Variants in CNGB3 observed in about 807,000 individuals in gnomAD.
CNGB3 encodes the protein cyclic nucleotide-gated channel beta-3.
A neutral mutation model predicts 92.8 loss-of-function variants in CNGB3; 86 were observed. The observed-to-expected ratio is 0.93, with a 90% CI of 0.78 to 1.11. The LOEUF is 1.11. CNGB3 is among the 50% of genes least tolerant of loss of function. CNGB3 has a pLI of 0.00. For synonymous variants in CNGB3, 333 were observed against 332.7 expected (o/e 1.00, Z -0.01); for missense variants, 1,026 against 956.8 (o/e 1.07, Z -0.95).
intron 3 of CNGB3, among the ~76,000 whole-genome samples, chr8:86,701,654 G>A (rs919876555): frequency 6.6e-6 from 1 of 152,042 alleles, no homozygotes; most frequent in Non-Finnish European, 1.5e-5. Context: ...GTGAAAGCCC[G>A]AACAGTGCAA....
intron 15 of CNGB3, among the ~76,000 whole-genome samples, chr8:86,581,886 A>G (rs908359481): frequency 1.3e-5 from 2 of 152,176 alleles, no homozygotes; most frequent in African/African-American, 4.8e-5. Context: ...TGGCACCAAC[A>G]GCTATACCAA....
intron 10 of CNGB3, among the ~76,000 whole-genome samples, chr8:86,638,235 ATACC>A (rs1027350932): frequency 1.3e-5 from 2 of 152,150 alleles, no homozygotes; most frequent in African/African-American, 4.8e-5. Context: ...TTTGGGTAAA[ATACC>A]TACATTGGAA....
chr8:86,587,941 T>C (rs1344411049), intron 15 of CNGB3, among the ~76,000 whole-genome samples: 1 of 151,940 alleles, frequency 6.6e-6, no homozygotes, highest in Admixed American at 6.6e-5. Flanking sequence ...TATGGCCATT[T>C]TCACGATATT....
intron 1 of CNGB3, among the ~76,000 whole-genome samples, chr8:86,741,433 G>T (rs1825338965): frequency 1.3e-5 from 2 of 152,150 alleles, no homozygotes; most frequent in Non-Finnish European, 2.9e-5. Flanking sequence ...CAAGGACAAG[G>T]TGGGCGGAAC....
At chr8:86,583,533 G>A (rs1293487252) in intron 15 of CNGB3, among the ~76,000 whole-genome samples, 1 of 152,082 alleles carries the variant, frequency 6.6e-6, no homozygotes, top group Non-Finnish European at 1.5e-5. Context: ...AAAAGTGGGA[G>A]GAAACTGGTG....
intron 3 of CNGB3, among the ~76,000 whole-genome samples, chr8:86,713,386 A>AAGT (rs1256585997): frequency 6.6e-6 from 1 of 152,190 alleles, no homozygotes. Flanking sequence ...ATAGAACTCA[A>AAGT]GCATTTGCAC....
chr8:86,738,043 A>G (rs1389846262), intron 2 of CNGB3, among the ~76,000 whole-genome samples: 1 of 152,238 alleles, frequency 6.6e-6, no homozygotes, highest in East Asian at 1.9e-4. Context: ...CTCAGTTCAA[A>G]TATTTGTTTT....
Position 86,575,004 on chromosome 8 carries a change from G to T in CNGB3, c.*800C>A, listed in dbSNP as rs1028298142. On this transcript the variant is annotated 3_prime_UTR_variant, in exon 18 of 18. Coordinates refer to ENST00000320005, the MANE Select transcript of CNGB3 (RefSeq NM_019098.5). ...CCAGCAAGTGCTTGAGGAAGATTCT[G>T]ATAAGTGTCACTTTAGCCTGTATCC... 2 of 152,182 alleles carry T rather than the reference G, an allele frequency of 1.3e-5. No homozygotes were observed. Among genetic ancestry groups the T allele is most frequent in the African/African-American group, 2.4e-5 (1 of 41,444 alleles). 9.4% of individuals were successfully genotyped at this position (152,182 alleles called of 1,614,324 possible).
chr8:86,616,239 A>C (rs1387829219), intron 13 of CNGB3, among the ~76,000 whole-genome samples: 2 of 152,156 alleles, frequency 1.3e-5, no homozygotes, highest in African/African-American at 4.8e-5. Flanking sequence ...ATGCAAACTG[A>C]ATTTAGCAGC....
chr8:86,597,887 A>G (rs1822205910), intron 15 of CNGB3, among the ~76,000 whole-genome samples: 1 of 152,194 alleles, frequency 6.6e-6, no homozygotes, highest in Non-Finnish European at 1.5e-5. Context: ...CTGAGGTTGG[A>G]GAATCACTTG....
At chr8:86,717,561 CAAA>C (rs35692774) in intron 3 of CNGB3, among the ~76,000 whole-genome samples, 33,126 of 119,580 alleles carry the variant, frequency 0.28, 3,854 homozygotes, top group East Asian at 0.39. Context: ...GACTCTGTCT[CAAA>C]AAAAAAAAAA....
Position 86,578,685 on chromosome 8 carries a change from T to C in CNGB3, c.2103+4A>G, listed in dbSNP as rs762261801. 5 of 1,613,770 alleles carry C rather than the reference T, an allele frequency of 3.1e-6. No homozygotes were observed. The East Asian group carries it at 6.7e-5, about 22-fold the overall frequency. On this transcript the variant is annotated splice_donor_region_variant and intron_variant, in intron 17 of 17. Coordinates refer to ENST00000320005, the MANE Select transcript of CNGB3 (RefSeq NM_019098.5). ...ACAGCCGTCCATTCACTCCACCTTA[T>C]TACCTGAGCTGCTTGCTCTCGCTTC...
In CNGB3 at chr8:86,659,116, A is replaced by C. The variant is rs1585998494; in HGVS notation, c.853-5054T>G. 1.7e-5 allele frequency: 12 copies of C among 724,588 alleles called. No individual in the cohort carries two copies. In the East Asian group the frequency reaches 3.0e-4, roughly 18 times the overall value. 44.9% of individuals were successfully genotyped at this position (724,588 alleles called of 1,614,324 possible). On this transcript the variant is annotated intron_variant, in intron 6 of 17. Transcript: ENST00000320005. ...GCGATCTGTTCCCTCAGTTTGGCCA[A>C]GCTGGTCTCCAGCTCCTGTACCCGA...
intron 6 of CNGB3, chr8:86,660,793 C>T (rs535169042): frequency 7.9e-6 from 4 of 504,512 alleles, no homozygotes; most frequent in Non-Finnish European, 1.2e-5. Flanking sequence ...GAAAATTGTC[C>T]TGCTACCCTC....
intron 3 of CNGB3, among the ~76,000 whole-genome samples, chr8:86,687,515 A>G (rs1050925590): frequency 6.6e-6 from 1 of 152,062 alleles, no homozygotes; most frequent in South Asian, 2.1e-4. Flanking sequence ...CAAATGTTGA[A>G]TACCAGGAAC....
intron 2 of CNGB3, among the ~76,000 whole-genome samples, chr8:86,728,815 T>C (rs1175724655): frequency 1.3e-5 from 2 of 152,112 alleles, no homozygotes; most frequent in South Asian, 2.1e-4. Flanking sequence ...TTAGGACTGA[T>C]AAAGAATATG....
At chr8:86,691,650 T>C (rs1824318957) in intron 3 of CNGB3, among the ~76,000 whole-genome samples, 1 of 152,164 alleles carries the variant, frequency 6.6e-6, no homozygotes, top group Non-Finnish European at 1.5e-5. Context: ...TAATGCTGTA[T>C]TTATTTTGTT....
chr8:86,651,078 C>T (rs566331923), intron 7 of CNGB3, among the ~76,000 whole-genome samples: 1 of 151,620 alleles, frequency 6.6e-6, no homozygotes, highest in South Asian at 2.1e-4. Context: ...AAACACTATA[C>T]GTTCTCACTT....
chr8:86,740,206 G>A (rs567300478), intron 1 of CNGB3, among the ~76,000 whole-genome samples: 93 of 152,312 alleles, frequency 6.1e-4, no homozygotes, highest in African/African-American at 2.1e-3. Flanking sequence ...GTGTGCCTCA[G>A]GATGTTCCTA....
Sources: gnomAD v4.1 joint callset for allele counts (sites outside exome capture counted in the v4.1 genomes callset) on GRCh38, gnomAD v4.1.1 for gene constraint, MANE v1.5 for transcripts, NCBI Gene and HGNC (gene_info 2026-07-23, HGNC 2026-07-21) for gene names.